Variants in ZNF362 observed in about 807,000 individuals in gnomAD.
The protein encoded by ZNF362 is rotund homolog.
In ZNF362, 11 loss-of-function variants were observed where a neutral mutation model predicts 42.9. The ratio of observed to expected loss-of-function variants is 0.26; its 90% CI spans 0.16 to 0.42. The LOEUF (loss-of-function observed/expected upper bound fraction) is 0.42, where lower values mean the gene tolerates loss of function less well. ZNF362 is among the 20% of genes least tolerant of loss of function. The pLI is 1.00. For missense variants in ZNF362, 362 were observed against 576.2 expected, an observed-to-expected ratio of 0.63 and a Z score of 3.81; for synonymous variants, 255 against 257.3, an observed-to-expected ratio of 0.99 and a Z score of 0.09.
the ZNF362 span, among the ~76,000 whole-genome samples, chr1:33,206,996 A>C: frequency 3.3e-5 from 5 of 152,210 alleles, no homozygotes. Flanking sequence ...ACATGTGTAC[A>C]ACGTGCAGGT....
chr1:33,229,655 T>A, the ZNF362 span, among the ~76,000 whole-genome samples: 2 of 152,068 alleles, frequency 1.3e-5, no homozygotes, highest in Non-Finnish European at 2.9e-5. Context: ...TCTGCCTGTC[T>A]TGGCCTCTCA....
At chr1:33,161,501 C>A in the ZNF362 span, among the ~76,000 whole-genome samples, 2 of 152,166 alleles carry the variant, frequency 1.3e-5, no homozygotes, top group African/African-American at 4.8e-5. The surrounding 1 kb of genome is among the most constrained non-coding windows in gnomAD (Gnocchi z 4.3). Context: ...CTGTTCCCTC[C>A]CCGACGCGCG....
chr1:33,159,287 A>G, the ZNF362 span, among the ~76,000 whole-genome samples: 3 of 152,104 alleles, frequency 2.0e-5, no homozygotes, highest in Non-Finnish European at 4.4e-5. This position sits in a 1 kb window ranked among gnomAD's most constrained non-coding sequence, Gnocchi z 4.2. Context: ...TATGTAATAT[A>G]TTTATATTAT....
the ZNF362 span, among the ~76,000 whole-genome samples, chr1:33,188,391 G>T: frequency 1.3e-5 from 2 of 152,298 alleles, no homozygotes; most frequent in South Asian, 4.1e-4. Flanking sequence ...ACATGGTCAT[G>T]TGCTCACTTT....
At chr1:33,276,882 T>G (rs1208924625) in intron 4 of ZNF362, among the ~76,000 whole-genome samples, 2 of 152,230 alleles carry the variant, frequency 1.3e-5, no homozygotes, top group Non-Finnish European at 2.9e-5. Flanking sequence ...TAGAGAACTT[T>G]GGAAATCACG....
the ZNF362 span, among the ~76,000 whole-genome samples, chr1:33,223,664 G>A: frequency 2.6e-5 from 4 of 152,120 alleles, no homozygotes; most frequent in East Asian, 3.9e-4. Context: ...AGGCTGAGGC[G>A]GGTGAATCAC....
the ZNF362 span, among the ~76,000 whole-genome samples, chr1:33,132,433 C>T: frequency 6.6e-6 from 1 of 152,220 alleles, no homozygotes; most frequent in Non-Finnish European, 1.5e-5. Context: ...TTTCCAAAAC[C>T]AAGAGGTGGG....
At chr1:33,298,882 C>T (rs770533060) in intron 8 of ZNF362, 48 bp from the exon 9 acceptor site, 3 of 1,533,380 alleles carry the variant, frequency 2.0e-6, no homozygotes, top group African/African-American at 1.4e-5. Flanking sequence ...GCCTCTTCTC[C>T]CTCCCTTGCT....
Position 33,295,232 on chromosome 1 carries a change from T to C in ZNF362, c.1073T>C (p.Ile358Thr), listed in dbSNP as rs750672003. ...TATTCGGACTCCGCTTCTTTGCAGA[T>C]CCACCTCTCGGCCCACGCCATCAAG... ...RAYSDSASLQ[I>T]HLSAHAIKHA... Residue 358 changes from isoleucine to threonine, a missense_variant, in exon 8 of 9, where the codon ATC becomes ACC. Transcript: ENST00000539719. 6.2e-7 allele frequency: 1 copy of C among 1,614,196 alleles called. No individual in the cohort carries two copies. The highest frequency in any genetic ancestry group is 2.2e-5 in the East Asian group (1 of 44,872).
At chr1:33,277,120 C>T (rs566980379) in intron 4 of ZNF362, among the ~76,000 whole-genome samples, 27 of 152,328 alleles carry the variant, frequency 1.8e-4, no homozygotes, top group South Asian at 6.2e-4. Flanking sequence ...TAGCTCCAGT[C>T]GAGCGCCTGT....
the ZNF362 span, among the ~76,000 whole-genome samples, chr1:33,214,189 T>C: frequency 6.6e-6 from 1 of 152,178 alleles, no homozygotes; most frequent in Non-Finnish European, 1.5e-5. Flanking sequence ...AAAATTCCTA[T>C]GGGACATCTA....
intron 1 of ZNF362, chr1:33,261,654 C>T (rs1645828670): frequency 6.6e-6 from 1 of 152,226 alleles, no homozygotes; most frequent in Admixed American, 6.5e-5. Flanking sequence ...ACCGTTATCT[C>T]TCCAATAAAG....
intron 1 of ZNF362, among the ~76,000 whole-genome samples, chr1:33,262,297 C>CTTTTT (rs55730909): frequency 5.6e-4 from 27 of 48,126 alleles, no homozygotes; most frequent in Admixed American, 1.0e-3. Flanking sequence ...CTTTAGGATT[C>CTTTTT]TTTTTTTTTT....
the ZNF362 span, among the ~76,000 whole-genome samples, chr1:33,134,950 G>A: frequency 1.3e-5 from 2 of 152,190 alleles, no homozygotes; most frequent in East Asian, 3.9e-4. Flanking sequence ...CTCCAGCTGT[G>A]TTTCACTCCA....
At chr1:33,256,166 AGGCGGTGGC>A (rs1645787567), upstream of ZNF362, among the ~76,000 whole-genome samples, 2 of 147,018 alleles carry the variant, frequency 1.4e-5, no homozygotes, top group Non-Finnish European at 3.0e-5. Flanking sequence ...CAACTTTGCC[AGGCGGTGGC>A]GGCGGCGGCG....
At chr1:33,130,919 G>A in the ZNF362 span, among the ~76,000 whole-genome samples, 1 of 152,198 alleles carries the variant, frequency 6.6e-6, no homozygotes, top group Non-Finnish European at 1.5e-5. Flanking sequence ...TTTGGCAATG[G>A]AGTTGGATGT....
chr1:33,169,800 A>G, the ZNF362 span, among the ~76,000 whole-genome samples: 9 of 152,224 alleles, frequency 5.9e-5, no homozygotes, highest in Non-Finnish European at 1.3e-4. Context: ...CTGCTGTATC[A>G]GACAGTGCAG....
intron 2 of ZNF362, among the ~76,000 whole-genome samples, chr1:33,273,483 T>C (rs74373685): frequency 1.3e-3 from 198 of 152,274 alleles, no homozygotes; most frequent in African/African-American, 4.6e-3. Flanking sequence ...GCTCTGAACT[T>C]GGCATTGAAC....
chr1:33,165,295 T>A, the ZNF362 span: 1 of 556,610 alleles, frequency 1.8e-6, no homozygotes, highest in Non-Finnish European at 3.2e-6. The surrounding 1 kb of genome is among the most constrained non-coding windows in gnomAD (Gnocchi z 4.0). Context: ...CCCATTGAAC[T>A]TCACGGATGC....
Sources: allele counts gnomAD v4.1 joint callset (sites outside exome capture counted in the v4.1 genomes callset), GRCh38; gene constraint gnomAD v4.1.1; non-coding constraint Gnocchi (gnomAD v3.1); transcripts MANE v1.5; gene names NCBI Gene and HGNC (gene_info 2026-07-23, HGNC 2026-07-21).